MRPS9: variants seen among roughly 807,000 people sequenced by gnomAD.
MRPS9 encodes the protein small ribosomal subunit protein uS9m.
In MRPS9, 45 loss-of-function variants were observed where a neutral mutation model predicts 59.9. That is an observed-to-expected ratio of 0.75 (90% CI 0.59 to 0.96). The LOEUF is 0.96. Among genes scored for constraint, MRPS9 ranks in the 40% least tolerant of loss-of-function variants. MRPS9 has a pLI of 0.00. For missense variants in MRPS9, 473 were observed against 481.1 expected (o/e 0.98, Z 0.16); for synonymous variants, 171 against 166.8 (o/e 1.03, Z -0.19).
chr2:105,092,426 A>G lies in MRPS9; in HGVS notation c.677A>G (p.Glu226Gly), dbSNP rs1300518951. ...TATATGCAGTTCATTCGGCTGCTAG[A>G]AAAGTTATTGACATCGCAGTGTGGT... Reference protein sequence around the residue: ...LDYMQFIRLLEKLLTSQCGAA... With the variant: ...LDYMQFIRLLGKLLTSQCGAA... The change falls in exon 8 of 11, where the codon GAA (glutamate) becomes GGA (glycine). Residue 226 changes from glutamate to glycine, a missense_variant. By Grantham distance (98) the Glu-to-Gly change is moderately conservative (BLOSUM62 -2). Transcript: ENST00000258455. 1 of 1,612,326 alleles carries G rather than the reference A, an allele frequency of 6.2e-7. No homozygotes were observed. The highest frequency in any genetic ancestry group is 1.7e-5 in the Admixed American group (1 of 59,464).
At chr2:105,078,315 AGTGTGTGTGT>A (rs71250682) in intron 4 of MRPS9, among the ~76,000 whole-genome samples, 2 of 147,356 alleles carry the variant, frequency 1.4e-5, no homozygotes, top group South Asian at 2.2e-4. Flanking sequence ...GGTGAAGTCA[AGTGTGTGTGT>A]GTGTGTGTGT....
intron 9 of MRPS9, among the ~76,000 whole-genome samples, chr2:105,095,472 A>G (rs1245747031): frequency 6.8e-6 from 1 of 147,966 alleles, no homozygotes; most frequent in Non-Finnish European, 1.5e-5. Flanking sequence ...GTGGAATTAG[A>G]TTTTCAGTCT....
intron 2 of MRPS9, among the ~76,000 whole-genome samples, chr2:105,070,237 T>C (rs1316295066): frequency 6.6e-6 from 1 of 152,174 alleles, no homozygotes; most frequent in Non-Finnish European, 1.5e-5. Context: ...CCCACAGTAC[T>C]GGGATTACCA....
At chr2:105,085,100 TTTC>T (rs549661106) in intron 5 of MRPS9, among the ~76,000 whole-genome samples, 124 of 152,278 alleles carry the variant, frequency 8.1e-4, no homozygotes, top group African/African-American at 2.6e-3. Context: ...TTGAGATGAT[TTTC>T]TTTGTATGTT....
In MRPS9 at chr2:105,049,350, C is replaced by T. The variant is rs11538197; in HGVS notation, c.315C>T (p.Asp105=). Residue 105 remains aspartate (D), a splice_region_variant and synonymous_variant, in exon 2 of 11, where the codon GAC becomes GAT. Transcript: ENST00000258455. ...AAACTTTCACTCAAGAAGATATTGA[C>T]GTAAGTACAGTTACTCTGTTGAAAA... ...DPETFTQEDI[D]RAIAYLFPSG... 0.22 allele frequency: 351,743 copies of T among 1,603,828 alleles called. 39,912 individuals are homozygous for T. The highest frequency in any genetic ancestry group is 0.28 in the Middle Eastern group (1,709 of 6,020).
chr2:105,044,487 G>T (rs1266728694), intron 1 of MRPS9, among the ~76,000 whole-genome samples: 1 of 152,152 alleles, frequency 6.6e-6, no homozygotes, highest in Non-Finnish European at 1.5e-5. Flanking sequence ...TAAATTTCCA[G>T]AATGCCATAC....
intron 5 of MRPS9, among the ~76,000 whole-genome samples, chr2:105,085,341 C>A (rs956037164): frequency 2.0e-5 from 3 of 152,094 alleles, no homozygotes; most frequent in South Asian, 4.1e-4. Context: ...TCTGTGATTT[C>A]TTTAACAAAC....
Position 105,097,160 on chromosome 2 carries a change from A to G in MRPS9, c.935A>G (p.Gln312Arg). ...TTACTTGTGCTGTGCTTTAGAGAAC[A>G]GCTGATGTTCCCTTTCCACTTTGTT... ...LYFPITQDRE[Q>R]LMFPFHFVDR... Residue 312 changes from glutamine (Q) to arginine (R), a missense_variant, in exon 10 of 11, where the codon CAG becomes CGG. Gln to Arg is a conservative substitution (Grantham distance 43, BLOSUM62 1). Transcript: ENST00000258455. The G allele has an allele frequency of 6.4e-7, 1 of 1,569,008 alleles. No individual in the cohort carries two copies. Among genetic ancestry groups the G allele is most frequent in the South Asian group, 1.2e-5 (1 of 83,758 alleles).
rs779055148 is a variant in MRPS9 at position 105,089,999 on chromosome 2, A to G, written c.651+4A>G. 1.3e-6 allele frequency: 2 copies of G among 1,565,602 alleles called. No homozygotes were observed. Among genetic ancestry groups the G allele is most frequent in the Non-Finnish European group, 1.8e-6 (2 of 1,141,532 alleles). ...GGAAAAACTGTCAGATCTAGATGTG[A>G]GTAATTAATCTTTTTAATTTAAGGG... On this transcript the variant is annotated splice_donor_region_variant and intron_variant, in intron 7 of 10. Coordinates refer to ENST00000258455, the MANE Select transcript of MRPS9 (RefSeq NM_182640.3).
intron 7 of MRPS9, among the ~76,000 whole-genome samples, chr2:105,090,481 C>T (rs574117049): frequency 6.8e-6 from 1 of 146,566 alleles, no homozygotes; most frequent in African/African-American, 2.5e-5. Flanking sequence ...CCACCTCTGT[C>T]GGAATCCCTT....
chr2:105,049,003 A>G (rs965227269), intron 1 of MRPS9, among the ~76,000 whole-genome samples, 168 bp from the exon 2 acceptor site: 1 of 151,930 alleles, frequency 6.6e-6, no homozygotes, highest in South Asian at 2.1e-4. Context: ...GACACATTCT[A>G]ACAACTTTCT....
At chr2:105,092,222 C>T (rs1047408394) in intron 7 of MRPS9, 179 bp from the exon 8 acceptor site, 13 of 449,222 alleles carry the variant, frequency 2.9e-5, no homozygotes, top group Admixed American at 1.2e-4. Context: ...ACTAAAGATA[C>T]GCAGGAAAAG....
chr2:105,093,572 A>T lies in MRPS9; in HGVS notation c.863A>T (p.His288Leu). 6.2e-7 allele frequency: 1 copy of T among 1,607,694 alleles called. No homozygotes were observed. ...TAKAEAIVYKHGSGRIKVNGI... is the reference protein window; with the variant it reads ...TAKAEAIVYKLGSGRIKVNGI... ...AAAGCAGAAGCAATTGTTTATAAAC[A>T]TGGAAGTGGAAGAATAAAAGTAAAT... The change falls in exon 9 of 11, where the codon CAT becomes CTT. Residue 288 changes from histidine (H) to leucine (L), a missense_variant. Physicochemically the swap from His to Leu is moderately conservative, Grantham distance 99. Transcript: ENST00000258455.
intron 2 of MRPS9, among the ~76,000 whole-genome samples, chr2:105,069,324 C>T (rs1290152290): frequency 2.0e-5 from 3 of 151,598 alleles, no homozygotes; most frequent in Non-Finnish European, 4.4e-5. Flanking sequence ...AAACGATTCT[C>T]CTGCCTCAGC....
chr2:105,060,197 T>C (rs1679871888), intron 2 of MRPS9, among the ~76,000 whole-genome samples: 1 of 152,194 alleles, frequency 6.6e-6, no homozygotes, highest in Admixed American at 6.5e-5. Context: ...TCTTTGTAAT[T>C]ATCTTATTTG....
At chr2:105,098,666 G>T (rs1305674413) in intron 10 of MRPS9, 1 of 152,128 alleles carries the variant, frequency 6.6e-6, no homozygotes, top group Non-Finnish European at 1.5e-5. Flanking sequence ...TTCCATGCAT[G>T]TCCTTTAAGT....
At chr2:105,039,422 T>C (rs1051296398) in intron 1 of MRPS9, among the ~76,000 whole-genome samples, 1 of 152,024 alleles carries the variant, frequency 6.6e-6, no homozygotes, top group Non-Finnish European at 1.5e-5. Flanking sequence ...AGAGGGACTA[T>C]ATCATACAGA....
intron 2 of MRPS9, among the ~76,000 whole-genome samples, chr2:105,066,948 GT>G (rs1480135935): frequency 6.6e-6 from 1 of 152,150 alleles, no homozygotes; most frequent in Non-Finnish European, 1.5e-5. Flanking sequence ...TTCCAGAAAA[GT>G]TGAATATTCA....
At chr2:105,074,493 A>G (rs1447615516) in intron 4 of MRPS9, among the ~76,000 whole-genome samples, 1 of 152,202 alleles carries the variant, frequency 6.6e-6, no homozygotes, top group Non-Finnish European at 1.5e-5. Flanking sequence ...TCAAGTAAGA[A>G]TTGTTAGCAT....
Sources: allele counts gnomAD v4.1 joint callset (sites outside exome capture counted in the v4.1 genomes callset), GRCh38; gene constraint gnomAD v4.1.1; transcripts MANE v1.5; gene names NCBI Gene and HGNC (gene_info 2026-07-23, HGNC 2026-07-21).